TENM1: variants seen among roughly 807,000 people sequenced by gnomAD.
The protein encoded by TENM1 is teneurin transmembrane protein 1.
TENM1 carries 35 observed loss-of-function variants against 174.8 expected under a neutral mutation model. The ratio of observed to expected loss-of-function variants is 0.20; its 90% CI spans 0.15 to 0.27. The LOEUF (loss-of-function observed/expected upper bound fraction) is 0.27, where lower values mean the gene tolerates loss of function less well. TENM1 is among the 10% of genes least tolerant of loss of function. The pLI is 1.00. For synonymous variants in TENM1, 781 were observed against 798.7 expected, an observed-to-expected ratio of 0.98 and a Z score of 0.37; for missense variants, 1,633 against 2,130.1, an observed-to-expected ratio of 0.77 and a Z score of 4.59.
intron 23 of TENM1, among the ~76,000 whole-genome samples, chrX:124,445,278 C>G (rs1199898056): frequency 9.0e-6 from 1 of 111,567 alleles, no homozygotes; most frequent in Non-Finnish European, 1.9e-5. Context: ...TGTCATCAGT[C>G]AGAGGTATTC....
chrX:124,604,362 CT>C (rs777259288), intron 11 of TENM1, among the ~76,000 whole-genome samples: 333 of 111,708 alleles, frequency 3.0e-3, no homozygotes, highest in Non-Finnish European at 3.7e-3. Flanking sequence ...TAATATCTCA[CT>C]GTTTGAGACA....
intron 3 of TENM1, among the ~76,000 whole-genome samples, chrX:124,754,033 C>G (rs1251094023): frequency 1.8e-5 from 2 of 111,625 alleles, no homozygotes; most frequent in Non-Finnish European, 3.8e-5. Context: ...CCCTCTTTTT[C>G]TATTGATTGG....
At chrX:124,804,004 G>A (rs761079902) in intron 3 of TENM1, among the ~76,000 whole-genome samples, 3 of 111,884 alleles carry the variant, frequency 2.7e-5, no homozygotes, top group Non-Finnish European at 5.6e-5. Flanking sequence ...TGATATAACT[G>A]TGTTCCCACA....
At chrX:124,840,588 C>CA (rs1349604234) in intron 3 of TENM1, among the ~76,000 whole-genome samples, 3 of 111,140 alleles carry the variant, frequency 2.7e-5, no homozygotes, top group Non-Finnish European at 5.7e-5. Context: ...GATAAATGCA[C>CA]AAAAAAATAA....
rs745816520 is a variant in TENM1, at chrX:124,523,873, AT to A, written c.2772-249del. On this transcript the variant is annotated intron_variant, in intron 16 of 31. Coordinates refer to ENST00000422452, the Ensembl canonical transcript of TENM1. Reference sequence around the variant, plus strand: ...ATATTCCCTTGAAATTTGTAAACCAATTTTTTTTTTTTTTTTTTGAGATGGA... The same window carrying A: ...ATATTCCCTTGAAATTTGTAAACCAATTTTTTTTTTTTTTTTTGAGATGGA... 0.035 allele frequency among the ~76,000 whole-genome samples: 3,190 copies of A among 90,403 alleles called. 90 individuals carry two copies. Among genetic ancestry groups the A allele is most frequent in the African/African-American group, 0.098 (2,375 of 24,292 alleles). The allele number at this position is 90,403 out of a possible 115,157, so 78.5% of individuals were successfully genotyped here. A position where few individuals can be genotyped will look rare whatever the true frequency, so the allele number is the denominator to read the frequency against.
intron 3 of TENM1, among the ~76,000 whole-genome samples, chrX:124,768,101 G>A (rs1240081325): frequency 9.0e-6 from 1 of 111,599 alleles, no homozygotes; most frequent in African/African-American, 3.2e-5. Flanking sequence ...AGCTGGAGAA[G>A]TGTGAACGTC....
chrX:124,785,030 T>C (rs934000242), intron 3 of TENM1, among the ~76,000 whole-genome samples: 2 of 112,015 alleles, frequency 1.8e-5, no homozygotes, highest in African/African-American at 6.5e-5. Flanking sequence ...GCTAGTCACC[T>C]ATTGAGGAAG....
the TENM1 span, among the ~76,000 whole-genome samples, chrX:125,038,117 A>G: frequency 9.0e-6 from 1 of 111,306 alleles, no homozygotes; most frequent in Admixed American, 9.6e-5. Context: ...ACTCCAGTAG[A>G]TCATTGCTAT....
chrX:125,191,757 A>C, the TENM1 span, among the ~76,000 whole-genome samples: 6 of 111,610 alleles, frequency 5.4e-5, no homozygotes, highest in Non-Finnish European at 3.8e-5. Flanking sequence ...AAGAGTCAAA[A>C]AGGATCTATC....
At chrX:124,705,545 C>T (rs1286188480) in intron 4 of TENM1, among the ~76,000 whole-genome samples, 1 of 110,812 alleles carries the variant, frequency 9.0e-6, no homozygotes, top group African/African-American at 3.3e-5. Context: ...ACACACTACA[C>T]CCTTCCCTTT....
At chrX:124,752,263 T>C (rs748457666) in intron 3 of TENM1, among the ~76,000 whole-genome samples, 2 of 111,954 alleles carry the variant, frequency 1.8e-5, no homozygotes, top group African/African-American at 6.5e-5. Flanking sequence ...CATTTTTTCA[T>C]GTGTCTTTTG....
At chrX:125,198,785 A>T in the TENM1 span, among the ~76,000 whole-genome samples, 4 of 110,847 alleles carry the variant, frequency 3.6e-5, no homozygotes, top group Admixed American at 9.7e-5. Flanking sequence ...ATCAGTGGAA[A>T]ATGAGGTACA....
Position 124,571,427 on chromosome X carries a change from C to T in TENM1, c.2078-5867G>A, listed in dbSNP as rs1368854003. Among the ~76,000 whole-genome samples, 3 of 110,811 alleles carry T rather than the reference C, an allele frequency of 2.7e-5. No homozygotes were observed. In the East Asian group the frequency reaches 8.5e-4, roughly 31 times the overall value. On this transcript the variant is annotated intron_variant, in intron 11 of 31. Coordinates refer to ENST00000422452, the Ensembl canonical transcript of TENM1. ...AATCTAATGAGCAAAGTGTCCAAAT[C>T]AAGGATTTAGAAAAAGGACTACATA...
chrX:125,015,672 C>T, the TENM1 span, among the ~76,000 whole-genome samples: 1 of 110,981 alleles, frequency 9.0e-6, no homozygotes, highest in Non-Finnish European at 1.9e-5. Flanking sequence ...AAAAAATTCA[C>T]CTACTCAACC....
At chrX:125,049,336 A>G in the TENM1 span, among the ~76,000 whole-genome samples, 1 of 112,028 alleles carries the variant, frequency 8.9e-6, no homozygotes, top group African/African-American at 3.2e-5. Context: ...GAATCAAACA[A>G]TTATGTGGCC....
At chrX:125,162,794 T>C in the TENM1 span, among the ~76,000 whole-genome samples, 1 of 111,566 alleles carries the variant, frequency 9.0e-6, no homozygotes, top group Non-Finnish European at 1.9e-5. Flanking sequence ...GCAGCTTGAA[T>C]CTCTTTTCTA....
the TENM1 span, among the ~76,000 whole-genome samples, chrX:125,043,945 A>G: frequency 1.7e-4 from 3 of 17,727 alleles, no homozygotes; most frequent in Non-Finnish European, 2.9e-4. Flanking sequence ...ATTCTCACTC[A>G]TAGGTGGGAA....
chrX:124,613,804 C>T (rs1483780118), intron 11 of TENM1, among the ~76,000 whole-genome samples: 3 of 111,497 alleles, frequency 2.7e-5, no homozygotes, highest in Non-Finnish European at 3.8e-5. Context: ...CTATTTTGAC[C>T]TATTTTAAAT....
intron 4 of TENM1, among the ~76,000 whole-genome samples, chrX:124,726,256 T>A (rs956106427): frequency 8.9e-6 from 1 of 112,570 alleles, no homozygotes; most frequent in Non-Finnish European, 1.9e-5. Flanking sequence ...TATGGTTTTA[T>A]TTTGAAATGA....
Sources: allele counts gnomAD v4.1 joint callset (sites outside exome capture counted in the v4.1 genomes callset), GRCh38; gene constraint gnomAD v4.1.1; transcripts MANE v1.5; gene names NCBI Gene and HGNC (gene_info 2026-07-23, HGNC 2026-07-21).